Variants in EEFSEC observed in about 807,000 individuals in gnomAD.
The protein encoded by EEFSEC is selenocysteine-specific elongation factor.
A neutral mutation model predicts 42.1 loss-of-function variants in EEFSEC; 43 were observed. The observed-to-expected ratio is 1.02, with a 90% CI of 0.80 to 1.32. EEFSEC has a LOEUF of 1.32. EEFSEC is among the 40% of genes most tolerant of loss of function. EEFSEC has a pLI of 0.00. For missense variants in EEFSEC, 745 were observed against 803.6 expected, an observed-to-expected ratio of 0.93 and a Z score of 0.88; for synonymous variants, 354 against 339.1, an observed-to-expected ratio of 1.04 and a Z score of -0.48.
chr3:128,170,167 C>T (rs920871462), intron 1 of EEFSEC, among the ~76,000 whole-genome samples: 1 of 152,152 alleles, frequency 6.6e-6, no homozygotes, highest in East Asian at 1.9e-4. Context: ...GCCCGAGGTT[C>T]CTGTTGAGCA....
chr3:128,207,167 C>A (rs2065705755), intron 1 of EEFSEC, among the ~76,000 whole-genome samples: 1 of 151,688 alleles, frequency 6.6e-6, no homozygotes, highest in Admixed American at 6.6e-5. Flanking sequence ...AGATGGCCAG[C>A]CCTCCCTTCC....
chr3:128,195,246 A>G (rs1010707270), intron 1 of EEFSEC, among the ~76,000 whole-genome samples: 1 of 152,218 alleles, frequency 6.6e-6, no homozygotes, highest in African/African-American at 2.4e-5. Context: ...TATTTGTTTA[A>G]ATATTAAAGC....
chr3:128,390,654 C>G (rs1020054350), intron 6 of EEFSEC, among the ~76,000 whole-genome samples: 1 of 152,206 alleles, frequency 6.6e-6, no homozygotes, highest in African/African-American at 2.4e-5. Flanking sequence ...TACCTCTTCT[C>G]CCTGCTCCAT....
At chr3:128,308,570 A>G (rs1180366293) in intron 4 of EEFSEC, among the ~76,000 whole-genome samples, 1 of 152,240 alleles carries the variant, frequency 6.6e-6, no homozygotes, top group African/African-American at 2.4e-5. Context: ...CCAAAACCTA[A>G]GCTTTACCCC....
intron 4 of EEFSEC, among the ~76,000 whole-genome samples, chr3:128,314,957 C>T (rs2066928930): frequency 6.6e-6 from 1 of 152,142 alleles, no homozygotes; most frequent in African/African-American, 2.4e-5. Flanking sequence ...CGCCTGGAGC[C>T]ATCAACATCC....
intron 4 of EEFSEC, among the ~76,000 whole-genome samples, chr3:128,306,337 T>C (rs1020101902): frequency 3.6e-4 from 55 of 152,348 alleles, no homozygotes; most frequent in South Asian, 2.1e-3. Flanking sequence ...CTACAATTTG[T>C]GCTTTACAAA....
intron 6 of EEFSEC, among the ~76,000 whole-genome samples, chr3:128,374,337 G>A (rs1228667418): frequency 2.6e-5 from 4 of 151,938 alleles, no homozygotes; most frequent in Non-Finnish European, 4.4e-5. Flanking sequence ...TAAGCGGACC[G>A]TGCTTACCTC....
chr3:128,290,004 T>C (rs971679366), intron 4 of EEFSEC, among the ~76,000 whole-genome samples: 2 of 152,250 alleles, frequency 1.3e-5, no homozygotes, highest in Non-Finnish European at 2.9e-5. Context: ...AGATAACACA[T>C]ACTTAGATGA....
intron 6 of EEFSEC, among the ~76,000 whole-genome samples, chr3:128,377,960 G>GT (rs1559948064): frequency 2.0e-5 from 3 of 152,174 alleles, no homozygotes; most frequent in Admixed American, 6.6e-5. Context: ...TTGATAACTA[G>GT]TAAAGTCAAC....
intron 1 of EEFSEC, among the ~76,000 whole-genome samples, chr3:128,223,818 G>C (rs559399190): frequency 6.6e-6 from 1 of 152,232 alleles, no homozygotes. Flanking sequence ...AGGAAAACCA[G>C]AAAACAAGCG....
chr3:128,153,621 G>T lies in EEFSEC; in HGVS notation c.114G>T (p.Lys38Asn), dbSNP rs1164834792. ...CAGCCTCCACCGCCGCCTTTGACAA[G>T]CAGCCGCAGAGCCGCGAGCGCGGCA... ...STTASTAAFD[K>N]QPQSRERGIT... Residue 38 changes from lysine to asparagine, a missense_variant, in exon 1 of 7, where the codon AAG (lysine) becomes AAT (asparagine). By Grantham distance (94) the Lys-to-Asn change is moderately conservative. Transcript: ENST00000254730. 5.0e-6 allele frequency: 8 copies of T among 1,597,008 alleles called. No individual in the cohort carries two copies. Among genetic ancestry groups the T allele is most frequent in the Non-Finnish European group, 1.7e-6 (2 of 1,177,416 alleles).
At chr3:128,227,065 A>G (rs1234668236) in intron 1 of EEFSEC, among the ~76,000 whole-genome samples, 1 of 152,178 alleles carries the variant, frequency 6.6e-6, no homozygotes, top group Non-Finnish European at 1.5e-5. Context: ...CTTGCAGGAC[A>G]TGGTGGACTC....
intron 4 of EEFSEC, among the ~76,000 whole-genome samples, chr3:128,284,230 A>G (rs2107971990): frequency 6.6e-6 from 1 of 152,334 alleles, no homozygotes; most frequent in Non-Finnish European, 1.5e-5. Flanking sequence ...GAGTTTGGGA[A>G]TCTTTCTAAA....
chr3:128,311,284 C>T (rs1260301503), intron 4 of EEFSEC, among the ~76,000 whole-genome samples: 1 of 152,242 alleles, frequency 6.6e-6, no homozygotes, highest in East Asian at 1.9e-4. Context: ...CAGCATTCAC[C>T]TTCCTCTTCG....
At chr3:128,178,939 T>G (rs1315768425) in intron 1 of EEFSEC, among the ~76,000 whole-genome samples, 1 of 152,250 alleles carries the variant, frequency 6.6e-6, no homozygotes, top group Non-Finnish European at 1.5e-5. Flanking sequence ...TGATGACTAG[T>G]GCCTGTGTAT....
intron 1 of EEFSEC, among the ~76,000 whole-genome samples, chr3:128,189,689 C>G (rs2065501901): frequency 6.6e-6 from 1 of 151,856 alleles, no homozygotes. Flanking sequence ...TCCTGAGTAG[C>G]TGGGACTAAG....
rs575540202 is a variant in EEFSEC, at chr3:128,404,613, A to G, written c.1601-3456A>G. 2.6e-5 allele frequency among the ~76,000 whole-genome samples: 4 copies of G among 152,312 alleles called. No individual in the cohort carries two copies. In the East Asian group the frequency reaches 7.7e-4, roughly 29 times the overall value. ...GCCAGGCTCTGATTCAGGGAGTCAG[A>G]TACCTACAGGCCAGGCGCTCACTTG... On this transcript the variant is annotated intron_variant, in intron 6 of 6. Coordinates refer to ENST00000254730, the MANE Select transcript of EEFSEC (RefSeq NM_021937.5).
intron 6 of EEFSEC, among the ~76,000 whole-genome samples, chr3:128,406,520 T>C (rs547866248): frequency 1.3e-4 from 20 of 152,196 alleles, no homozygotes; most frequent in Non-Finnish European, 2.2e-4. Context: ...ATTTTAAATG[T>C]TCTCATCACC....
chr3:128,169,390 G>A (rs2065272956), intron 1 of EEFSEC, among the ~76,000 whole-genome samples: 1 of 152,154 alleles, frequency 6.6e-6, no homozygotes, highest in African/African-American at 2.4e-5. Flanking sequence ...TTGGACAGAT[G>A]CATATATCTG....
Sources: allele counts gnomAD v4.1 joint callset (sites outside exome capture counted in the v4.1 genomes callset), GRCh38; gene constraint gnomAD v4.1.1; transcripts MANE v1.5; gene names NCBI Gene and HGNC (gene_info 2026-07-23, HGNC 2026-07-21).